TCF7L2: variants seen among roughly 807,000 people sequenced by gnomAD.
The protein encoded by TCF7L2 is transcription factor 7 like 2.
In TCF7L2, 23 loss-of-function variants were observed where a neutral mutation model predicts 77.9. The observed-to-expected ratio is 0.30, with a 90% CI of 0.21 to 0.42. The LOEUF is 0.42. TCF7L2 is among the 10% of genes least tolerant of loss of function. The pLI, the probability that TCF7L2 is intolerant of heterozygous loss-of-function variation, is 1.00. For synonymous variants in TCF7L2, 413 were observed against 340.2 expected (o/e 1.21, Z -2.36); for missense variants, 654 against 793.1 (o/e 0.82, Z 2.11).
At chr10:113,063,862 A>G (rs2056857883) in intron 5 of TCF7L2, among the ~76,000 whole-genome samples, 1 of 150,180 alleles carries the variant, frequency 6.7e-6, no homozygotes, top group Admixed American at 6.7e-5. Flanking sequence ...CAGTAGGAGA[A>G]GAGTGTATGT....
chr10:113,040,616 T>A (rs2134277924), intron 5 of TCF7L2, among the ~76,000 whole-genome samples: 2 of 152,352 alleles, frequency 1.3e-5, no homozygotes, highest in South Asian at 4.1e-4. Context: ...GCTGGCTGAC[T>A]TGTAAACCTA....
chr10:113,018,629 G>C lies in TCF7L2; in HGVS notation c.451-21396G>C, dbSNP rs137980851. Among the ~76,000 whole-genome samples the C allele has an allele frequency of 6.6e-5, 10 of 151,820 alleles. No homozygotes were observed. The East Asian group carries it at 1.8e-3, about 27-fold the overall frequency. On this transcript the variant is annotated intron_variant, in intron 4 of 13. Transcript: ENST00000627217. The stretch of plus-strand genomic sequence containing the variant: ...TCACAGGTGCCCACTACCATGCCTG[G>C]GTATTTTTTTGTATTTTTAGTAGAG...
chr10:113,163,435 T>A (rs2073517396), intron 13 of TCF7L2, among the ~76,000 whole-genome samples: 1 of 152,148 alleles, frequency 6.6e-6, no homozygotes, highest in Non-Finnish European at 1.5e-5. Flanking sequence ...TCTTTCTTTC[T>A]CCCTTTCCTT....
chr10:113,161,089 A>G, intron 13 of TCF7L2: 1 of 249,572 alleles, frequency 4.0e-6, no homozygotes, highest in Non-Finnish European at 7.6e-6. Context: ...CAGCAATTGC[A>G]TTCCCGTGCA....
At chr10:113,117,794 C>G (rs1303850564) in intron 5 of TCF7L2, among the ~76,000 whole-genome samples, 1 of 151,984 alleles carries the variant, frequency 6.6e-6, no homozygotes, top group Admixed American at 6.6e-5. Flanking sequence ...GTCAAAAGAT[C>G]AAAAAATCAA....
At chr10:113,138,448 C>T (rs1298338169) in intron 5 of TCF7L2, among the ~76,000 whole-genome samples, 2 of 152,094 alleles carry the variant, frequency 1.3e-5, no homozygotes, top group African/African-American at 4.8e-5. Context: ...CAGTTAACTC[C>T]ATTATTGCCC....
chr10:113,000,693 C>T (rs966877259), intron 4 of TCF7L2, among the ~76,000 whole-genome samples: 29 of 152,278 alleles, frequency 1.9e-4, no homozygotes, highest in African/African-American at 7.0e-4. Context: ...AGCCATCTCA[C>T]GGGCCCGGAG....
At chr10:113,137,716 C>T (rs2067635251) in intron 5 of TCF7L2, among the ~76,000 whole-genome samples, 1 of 152,210 alleles carries the variant, frequency 6.6e-6, no homozygotes, top group South Asian at 2.1e-4. Flanking sequence ...TGAAGTTAAT[C>T]TGTGATTGGC....
rs1321791336 is a variant in TCF7L2 at position 112,965,623 on chromosome 10, GTGTATA to G, written c.450+1003_450+1008del. Among the ~76,000 whole-genome samples the G allele has an allele frequency of 7.9e-4, 77 of 97,744 alleles. 1 individual carries two copies. Among genetic ancestry groups the G allele is most frequent in the East Asian group, 7.8e-3 (4 of 514 alleles). 64.1% of individuals were successfully genotyped at this position (97,744 alleles called of 152,430 possible). On this transcript the variant is annotated intron_variant, in intron 4 of 13. Transcript: ENST00000627217. Reference sequence around the variant, plus strand: ...CCTTGCAGATAACTTGTCTGTGTGTGTGTATATGTGTGTGTGTGTGTGTGTGTGTGT... The same window carrying G: ...CCTTGCAGATAACTTGTCTGTGTGTGTGTGTGTGTGTGTGTGTGTGTGTGT...
intron 5 of TCF7L2, among the ~76,000 whole-genome samples, chr10:113,054,967 T>C (rs1372971939): frequency 6.6e-6 from 1 of 152,256 alleles, no homozygotes; most frequent in Non-Finnish European, 1.5e-5. Context: ...TTAACTGCTC[T>C]GTAGTATTTA....
intron 4 of TCF7L2, among the ~76,000 whole-genome samples, chr10:112,999,342 A>C (rs1208471453): frequency 6.6e-6 from 1 of 152,258 alleles, no homozygotes; most frequent in Non-Finnish European, 1.5e-5. Context: ...GCAGGGAGGC[A>C]CCTTGTAGCG....
chr10:113,068,896 ATTC>A (rs1053960888), intron 5 of TCF7L2, among the ~76,000 whole-genome samples: 1 of 149,510 alleles, frequency 6.7e-6, no homozygotes, highest in African/African-American at 2.5e-5. Context: ...TTGGCTCCCA[ATTC>A]TTTTTTTTTT....
intron 4 of TCF7L2, among the ~76,000 whole-genome samples, chr10:112,990,708 TAATA>T (rs953126462): frequency 6.6e-6 from 1 of 151,834 alleles, no homozygotes; most frequent in African/African-American, 2.4e-5. Flanking sequence ...CCTGTCTCAA[TAATA>T]AATAAATAAA....
intron 12 of TCF7L2, among the ~76,000 whole-genome samples, 167 bp downstream of exon 14, chr10:113,160,159 C>T (rs936842848): frequency 6.6e-6 from 1 of 151,940 alleles, no homozygotes; most frequent in Non-Finnish European, 1.5e-5. Context: ...TGCTTGTTCT[C>T]CTGCTGCTGC....
intron 5 of TCF7L2, among the ~76,000 whole-genome samples, chr10:113,084,758 AGTGGTGTT>A (rs1308057102): frequency 2.0e-5 from 3 of 151,872 alleles, no homozygotes; most frequent in African/African-American, 7.3e-5. Flanking sequence ...ATTAGCCGGG[AGTGGTGTT>A]GTGCACCTGT....
chr10:113,123,733 T>A (rs1325208705), intron 5 of TCF7L2, among the ~76,000 whole-genome samples: 2 of 152,150 alleles, frequency 1.3e-5, no homozygotes, highest in African/African-American at 4.8e-5. Flanking sequence ...ATCCATTTTT[T>A]AAAAAAGGAG....
chr10:113,023,120 A>G (rs534718318), intron 4 of TCF7L2, among the ~76,000 whole-genome samples: 227 of 152,326 alleles, frequency 1.5e-3, no homozygotes, highest in African/African-American at 5.2e-3. Context: ...GCACATTGGC[A>G]TTAAAGGCAT....
chr10:112,955,314 G>C (rs2033244445), intron 3 of TCF7L2, among the ~76,000 whole-genome samples: 1 of 152,088 alleles, frequency 6.6e-6, no homozygotes, highest in Non-Finnish European at 1.5e-5. Context: ...TATTTATGGC[G>C]AACATGTTTA....
At chr10:112,993,676 C>T (rs910613015) in intron 4 of TCF7L2, among the ~76,000 whole-genome samples, 1 of 152,168 alleles carries the variant, frequency 6.6e-6, no homozygotes, top group Non-Finnish European at 1.5e-5. Context: ...CGATGAATCC[C>T]CTCTACAAGA....
Sources: allele counts gnomAD v4.1 joint callset (sites outside exome capture counted in the v4.1 genomes callset), GRCh38; gene constraint gnomAD v4.1.1; transcripts MANE v1.5; gene names NCBI Gene and HGNC (gene_info 2026-07-23, HGNC 2026-07-21).